Variants in RAB3B observed in about 807,000 individuals in gnomAD.
RAB3B encodes the protein RAB3B, member RAS oncogene family.
In RAB3B, 11 loss-of-function variants were observed where a neutral mutation model predicts 20.5. That is an observed-to-expected ratio of 0.54 (90% confidence interval 0.34 to 0.89). The LOEUF (loss-of-function observed/expected upper bound fraction) is 0.89, where lower values mean the gene tolerates loss of function less well. Ranked by LOEUF, RAB3B falls within the 40% of genes least tolerant of loss-of-function variation. The pLI is 0.02. For synonymous variants in RAB3B, 99 were observed against 106.3 expected (o/e 0.93, Z 0.42); for missense variants, 225 against 280.9 (o/e 0.80, Z 1.42).
chr1:51,954,766 G>A (rs1684684384), intron 2 of RAB3B, among the ~76,000 whole-genome samples: 1 of 152,230 alleles, frequency 6.6e-6, no homozygotes, highest in African/African-American at 2.4e-5. Flanking sequence ...ATATTTCATA[G>A]ATTCTCAGAT....
At chr1:51,975,973 C>T in intron 2 of RAB3B, among the ~76,000 whole-genome samples, 1 of 149,748 alleles carries the variant, frequency 6.7e-6, no homozygotes, top group Non-Finnish European at 1.5e-5. Context: ...ACCTGGGCAA[C>T]AGGACAAGAC....
chr1:51,924,821 A>C (rs575185481), intron 4 of RAB3B, among the ~76,000 whole-genome samples: 1 of 152,210 alleles, frequency 6.6e-6, no homozygotes, highest in African/African-American at 2.4e-5. Flanking sequence ...CCATATGGTA[A>C]CCTTTTCTTC....
At position 51,917,115 on chromosome 1, in the gene RAB3B, T is replaced by C. The variant is rs772135611; in HGVS notation, c.*2812A>G. On this transcript the variant is annotated 3_prime_UTR_variant, in exon 5 of 5. Transcript: ENST00000371655. ...AGCTAGAACCTCTTTGTACCTTTGT[T>C]TCCTCATCTTCAAATGAGGCTCACT... The C allele has an allele frequency of 3.9e-5, 6 of 152,216 alleles. No homozygotes were observed. The highest frequency in any genetic ancestry group is 8.8e-5 in the Non-Finnish European group (6 of 68,048). 9.4% of individuals were successfully genotyped at this position (152,216 alleles called of 1,614,324 possible).
At chr1:51,937,245 G>A (rs1422707431) in intron 3 of RAB3B, 49 bp downstream of exon 3, 1 of 1,434,730 alleles carries the variant, frequency 7.0e-7, no homozygotes, top group East Asian at 2.3e-5. Flanking sequence ...CACATGTTAG[G>A]TTTTAATGAA....
At chr1:51,975,074 C>T (rs909475778) in intron 2 of RAB3B, among the ~76,000 whole-genome samples, 1 of 152,014 alleles carries the variant, frequency 6.6e-6, no homozygotes, top group Non-Finnish European at 1.5e-5. Flanking sequence ...ATTAGCCAGG[C>T]GTGGTGGCAC....
At chr1:51,962,673 C>T (rs557200498) in intron 2 of RAB3B, among the ~76,000 whole-genome samples, 1 of 152,338 alleles carries the variant, frequency 6.6e-6, no homozygotes, top group South Asian at 2.1e-4. Flanking sequence ...CTCCCCTCCC[C>T]ACTGAAACCT....
chr1:51,940,083 T>G (rs1184824202), intron 2 of RAB3B, among the ~76,000 whole-genome samples: 1 of 152,252 alleles, frequency 6.6e-6, no homozygotes, highest in South Asian at 2.1e-4. Context: ...GAATATATGT[T>G]GTTACTCTCA....
intron 2 of RAB3B, among the ~76,000 whole-genome samples, chr1:51,952,919 C>G (rs1384142034): frequency 6.6e-6 from 1 of 152,050 alleles, no homozygotes; most frequent in Non-Finnish European, 1.5e-5. Flanking sequence ...GCTCCTTATC[C>G]TCCCCTGGGC....
At chr1:51,953,731 G>A (rs1430188412) in intron 2 of RAB3B, among the ~76,000 whole-genome samples, 1 of 152,244 alleles carries the variant, frequency 6.6e-6, no homozygotes, top group Non-Finnish European at 1.5e-5. Flanking sequence ...AAGCTGGGAG[G>A]TGGAGGTTGC....
chr1:51,967,522 T>TTTTTTTTTTTTTTTTTC (rs1684872382), intron 2 of RAB3B, among the ~76,000 whole-genome samples: 1 of 43,232 alleles, frequency 2.3e-5, no homozygotes, highest in Non-Finnish European at 5.0e-5. Context: ...TTTCTTTTTC[T>TTTTTTTTTTTTTTTTTC]TTTTTTTTTT....
At chr1:51,928,343 G>A (rs1239129347) in intron 4 of RAB3B, among the ~76,000 whole-genome samples, 2 of 152,174 alleles carry the variant, frequency 1.3e-5, no homozygotes, top group African/African-American at 2.4e-5. Context: ...CCGACCTCAG[G>A]TGATCCACCT....
At chr1:51,935,226 C>A (rs1684381541) in intron 3 of RAB3B, among the ~76,000 whole-genome samples, 1 of 152,196 alleles carries the variant, frequency 6.6e-6, no homozygotes, top group Admixed American at 6.5e-5. Flanking sequence ...CAACCTGAAC[C>A]TACTACTGAC....
intron 1 of RAB3B, among the ~76,000 whole-genome samples, chr1:51,979,079 C>T (rs905656778): frequency 8.5e-5 from 13 of 152,220 alleles, no homozygotes; most frequent in African/African-American, 2.9e-4. Flanking sequence ...ACAAGACTCA[C>T]TAGGCAAGTG....
intron 2 of RAB3B, among the ~76,000 whole-genome samples, chr1:51,970,895 C>T (rs1245108530): frequency 1.3e-5 from 2 of 151,170 alleles, no homozygotes; most frequent in African/African-American, 2.4e-5. Context: ...CCTGTAGCCC[C>T]AGCTACTCGG....
At chr1:51,926,374 T>C (rs1171799566) in intron 4 of RAB3B, among the ~76,000 whole-genome samples, 4 of 152,210 alleles carry the variant, frequency 2.6e-5, no homozygotes, top group African/African-American at 9.6e-5. Flanking sequence ...CAGTGCCTCC[T>C]TGTGGGAAGA....
intron 2 of RAB3B, among the ~76,000 whole-genome samples, chr1:51,947,465 C>G (rs1232482540): frequency 6.6e-6 from 1 of 152,034 alleles, no homozygotes; most frequent in African/African-American, 2.4e-5. Context: ...TAAAGTCCAA[C>G]CTGATTTGTA....
In RAB3B at chr1:51,933,350, G is replaced by T. The variant is rs781385767; in HGVS notation, c.440C>A (p.Thr147Asn). Residue 147 changes from threonine (T) to asparagine (N), a missense_variant, in exon 4 of 5, where the codon ACT (threonine) becomes AAT (asparagine). By Grantham distance (65) the Thr-to-Asn change is moderately conservative (BLOSUM62 0). Coordinates refer to ENST00000371655, the MANE Select transcript of RAB3B (RefSeq NM_002867.4). ...CTCTGCAAGGAGCTGGCCCTTCTCAGTGGGAACAACCCTCTCTTCCTCCAT... is the reference window on the plus strand; with the variant it reads ...CTCTGCAAGGAGCTGGCCCTTCTCATTGGGAACAACCCTCTCTTCCTCCAT... ...CDMEEERVVP[T>N]EKGQLLAEQL... 8 of 1,614,106 alleles carry T rather than the reference G, an allele frequency of 5.0e-6. No homozygotes were observed. The highest frequency in any genetic ancestry group is 6.8e-6 in the Non-Finnish European group (8 of 1,179,992).
chr1:51,933,623 G>A (rs1469239788), intron 3 of RAB3B, among the ~76,000 whole-genome samples, 181 bp from the exon 4 acceptor site: 2 of 152,098 alleles, frequency 1.3e-5, no homozygotes, highest in Admixed American at 1.3e-4. Context: ...CATATAAGAA[G>A]AGAAAGAGGC....
At chr1:51,984,100 TA>T (rs1294773893) in intron 1 of RAB3B, among the ~76,000 whole-genome samples, 1 of 150,806 alleles carries the variant, frequency 6.6e-6, no homozygotes, top group East Asian at 2.0e-4. Context: ...CCATCTCTAC[TA>T]AAAATACAAA....
Sources: gnomAD v4.1 joint callset for allele counts (sites outside exome capture counted in the v4.1 genomes callset) on GRCh38, gnomAD v4.1.1 for gene constraint, MANE v1.5 for transcripts, NCBI Gene and HGNC (gene_info 2026-07-23, HGNC 2026-07-21) for gene names.